The following ARHGAP39 variants were observed in gnomAD, a reference collection of about 807,000 sequenced individuals.
ARHGAP39 encodes rho GTPase-activating protein 39.
A neutral mutation model predicts 106.9 loss-of-function variants in ARHGAP39; 44 were observed. The observed-to-expected ratio is 0.41, with a 90% CI of 0.32 to 0.53. ARHGAP39 has a LOEUF of 0.53. Ranked by LOEUF, ARHGAP39 falls within the 20% of genes least tolerant of loss-of-function variation. ARHGAP39 has a pLI of 0.21. For missense variants in ARHGAP39, 1,496 were observed against 1,577.3 expected (o/e 0.95, Z 0.87); for synonymous variants, 768 against 693.2 (o/e 1.11, Z -1.69).
chr8:144,619,297 G>A (rs1294159312), intron 1 of ARHGAP39, among the ~76,000 whole-genome samples: 4 of 152,264 alleles, frequency 2.6e-5, no homozygotes, highest in Admixed American at 2.0e-4. Flanking sequence ...GGGTGCCAGA[G>A]GCCCCTCGCT....
chr8:144,685,893 G>C (rs1456590846), upstream of ARHGAP39, among the ~76,000 whole-genome samples: 3 of 149,634 alleles, frequency 2.0e-5, no homozygotes, highest in African/African-American at 7.3e-5. Context: ...CCCGCCTCCG[G>C]CTCCGCCCCC....
intron 2 of ARHGAP39, among the ~76,000 whole-genome samples, chr8:144,588,831 C>T (rs542908587): frequency 3.2e-4 from 49 of 152,392 alleles, no homozygotes; most frequent in Middle Eastern, 3.4e-3. Flanking sequence ...GAGCAGCACG[C>T]CGCCTCTGTG....
chr8:144,640,189 T>C (rs1821275427), intron 1 of ARHGAP39, among the ~76,000 whole-genome samples: 1 of 152,134 alleles, frequency 6.6e-6, no homozygotes, highest in Non-Finnish European at 1.5e-5. Flanking sequence ...CACCCACCTG[T>C]TTTTGGACTC....
At chr8:144,634,938 T>A (rs1228334251) in intron 1 of ARHGAP39, among the ~76,000 whole-genome samples, 2 of 152,236 alleles carry the variant, frequency 1.3e-5, no homozygotes, top group Non-Finnish European at 2.9e-5. Context: ...AACACTTCCC[T>A]GCACATTCTG....
intron 2 of ARHGAP39, among the ~76,000 whole-genome samples, chr8:144,595,545 TTA>T (rs1180342988): frequency 6.6e-6 from 1 of 152,060 alleles, no homozygotes; most frequent in Non-Finnish European, 1.5e-5. Context: ...GGCATGTGAA[TTA>T]TATAAAAAAA....
intron 6 of ARHGAP39, among the ~76,000 whole-genome samples, chr8:144,539,235 A>G (rs1817092007): frequency 6.6e-6 from 1 of 152,230 alleles, no homozygotes; most frequent in African/African-American, 2.4e-5. Flanking sequence ...TCACATGCAC[A>G]TCTGTAAATA....
intron 1 of ARHGAP39, among the ~76,000 whole-genome samples, chr8:144,648,938 A>G (rs1216721253): frequency 1.3e-5 from 2 of 152,174 alleles, no homozygotes; most frequent in African/African-American, 2.4e-5. Flanking sequence ...ATCACAACCG[A>G]AAGAATCAGA....
the ARHGAP39 span, among the ~76,000 whole-genome samples, chr8:144,691,718 C>T: frequency 8.6e-5 from 13 of 151,952 alleles, no homozygotes; most frequent in African/African-American, 2.4e-4. Context: ...CTAGTCAGCT[C>T]GGGGGCTCTT....
At chr8:144,567,928 C>T (rs749027672) in intron 3 of ARHGAP39, among the ~76,000 whole-genome samples, 1 of 152,146 alleles carries the variant, frequency 6.6e-6, no homozygotes, top group Non-Finnish European at 1.5e-5. Context: ...CTACCGGTCT[C>T]CATGTCTTGG....
chr8:144,675,654 C>T (rs909818496), intron 1 of ARHGAP39, among the ~76,000 whole-genome samples: 9 of 140,238 alleles, frequency 6.4e-5, no homozygotes, highest in East Asian at 4.2e-4. Context: ...TCGTTCCTGC[C>T]GGTGGGTTCG....
intron 4 of ARHGAP39, among the ~76,000 whole-genome samples, chr8:144,552,415 A>G (rs1465785080): frequency 6.6e-6 from 1 of 152,236 alleles, no homozygotes; most frequent in African/African-American, 2.4e-5. Flanking sequence ...TCCCAACCCA[A>G]TGCCGCAGGT....
At chr8:144,594,978 G>A (rs1819555248) in intron 2 of ARHGAP39, among the ~76,000 whole-genome samples, 1 of 152,146 alleles carries the variant, frequency 6.6e-6, no homozygotes, top group East Asian at 1.9e-4. Context: ...GGAGTTGCAG[G>A]TTGCAGTGAG....
chr8:144,681,702 A>G (rs2958506), intron 1 of ARHGAP39, among the ~76,000 whole-genome samples: 15,539 of 152,186 alleles, frequency 0.1, 2,097 homozygotes, highest in African/African-American at 0.3. Flanking sequence ...AGGAGACAAA[A>G]CTGGGATGGG....
At position 144,533,341 on chromosome 8, in the gene ARHGAP39, C is replaced by T; in HGVS notation, c.2689-16G>A. On this transcript the variant is annotated splice_polypyrimidine_tract_variant and intron_variant, in intron 8 of 11. Transcript: ENST00000377307. ...TCTTCAGCCCCTGTGAAGACAGAGG[C>T]TCCGTCCTGGTCTGGCCTGGCCATC... The T allele has an allele frequency of 6.2e-7, 1 of 1,610,552 alleles. No homozygotes were observed. The highest frequency in any genetic ancestry group is 8.5e-7 in the Non-Finnish European group (1 of 1,178,668).
chr8:144,639,747 G>A (rs775272407), intron 1 of ARHGAP39, among the ~76,000 whole-genome samples: 9 of 152,102 alleles, frequency 5.9e-5, no homozygotes, highest in South Asian at 2.1e-4. Flanking sequence ...CACGTGCTGC[G>A]TGGATGATGC....
chr8:144,669,727 T>C (rs1360023683), intron 1 of ARHGAP39, among the ~76,000 whole-genome samples: 1 of 152,186 alleles, frequency 6.6e-6, no homozygotes, highest in Non-Finnish European at 1.5e-5. Flanking sequence ...TAGACATTTC[T>C]GCAAAGATGA....
intron 1 of ARHGAP39, among the ~76,000 whole-genome samples, chr8:144,654,087 T>G (rs1172777747): frequency 6.6e-6 from 1 of 152,118 alleles, no homozygotes; most frequent in African/African-American, 2.4e-5. Flanking sequence ...TAAAGCCCAG[T>G]GGAAGATGAA....
rs79014596 is a variant in ARHGAP39 at position 144,629,839 on chromosome 8, G to A, written c.-81-24144C>T. Among the ~76,000 whole-genome samples, 2,464 of 152,162 alleles carry A rather than the reference G, an allele frequency of 0.016. 204 individuals are homozygous for A. The East Asian group carries it at 0.24, about 15-fold the overall frequency. ...TAGTGTTGGTGTGTGCAGAGAGGAC[G>A]GCCCTGTGGGAAGTGTTGGGGGACT... is the stretch of plus-strand genomic sequence containing the variant. On this transcript the variant is annotated intron_variant, in intron 1 of 11. Coordinates refer to ENST00000377307, the MANE Select transcript of ARHGAP39 (RefSeq NM_025251.3).
intron 1 of ARHGAP39, among the ~76,000 whole-genome samples, chr8:144,655,616 C>T (rs916376538): frequency 1.3e-5 from 2 of 152,062 alleles, no homozygotes; most frequent in Non-Finnish European, 2.9e-5. Flanking sequence ...GACGACAGGA[C>T]GACCTGCCTA....
Sources: gnomAD v4.1 joint callset for allele counts (sites outside exome capture counted in the v4.1 genomes callset) on GRCh38, gnomAD v4.1.1 for gene constraint, MANE v1.5 for transcripts, NCBI Gene and HGNC (gene_info 2026-07-23, HGNC 2026-07-21) for gene names.